GAK: variants seen among roughly 807,000 people sequenced by gnomAD.
GAK encodes cyclin-G-associated kinase.
In GAK, 79 loss-of-function variants were observed where a neutral mutation model predicts 143.9. The observed-to-expected ratio is 0.55, with a 90% CI of 0.46 to 0.66. The LOEUF (loss-of-function observed/expected upper bound fraction) is 0.66, where lower values mean the gene tolerates loss of function less well. GAK is among the 30% of genes least tolerant of loss of function. The probability of loss-of-function intolerance (pLI) is 0.00; values close to 1 mark genes in which losing one functional copy is unlikely to be tolerated. For missense variants in GAK, 1,693 were observed against 1,779.7 expected, an observed-to-expected ratio of 0.95 and a Z score of 0.88; for synonymous variants, 881 against 765.5, an observed-to-expected ratio of 1.15 and a Z score of -2.49.
chr4:907,278 C>T lies in GAK; in HGVS notation c.383-2499G>A, dbSNP rs530860279. Among the ~76,000 whole-genome samples the T allele has an allele frequency of 3.5e-3, 526 of 152,350 alleles. 7 individuals are homozygous for T. The highest frequency in any genetic ancestry group is 0.012 in the African/African-American group (488 of 41,582). On this transcript the variant is annotated intron_variant, in intron 4 of 27. Transcript: ENST00000314167. ...GGCCCTCCCACTCCCCCAGCTCTGC[C>T]GGCCCTGGCCCTCAACCCCAGGTGA...
intron 27 of GAK, 59 bp from the exon 28 acceptor site, chr4:849,833 G>GGGGGGGGGGGGCCCCCCCCCC: frequency 8.4e-7 from 1 of 1,190,152 alleles, no homozygotes; most frequent in Non-Finnish European, 1.2e-6. Flanking sequence ...GGCGGGGCAG[G>GGGGGGGGGGGGCCCCCCCCCC]ACCCCCCCCC....
In GAK at chr4:866,422, G is replaced by C; in HGVS notation, c.2985C>G (p.Ser995=). The C allele has an allele frequency of 6.2e-7, 1 of 1,614,128 alleles. No homozygotes were observed. The highest frequency in any genetic ancestry group is 8.5e-7 in the Non-Finnish European group (1 of 1,179,986). Reference sequence around the variant, plus strand: ...GCGGAGCACTGTGGGCAGACGGGAAGGATGGTGGGACGGTCACAGAGTCCG... The same window carrying C: ...GCGGAGCACTGTGGGCAGACGGGAACGATGGTGGGACGGTCACAGAGTCCG... ...LNSDSVTVPP[S]FPSAHSAPPP... is the part of the protein sequence containing the mutation. Residue 995 remains serine (S), a synonymous_variant, in exon 22 of 28, where the codon TCC becomes TCG. Coordinates refer to ENST00000314167, the MANE Select transcript of GAK (RefSeq NM_005255.4).
chr4:887,239 CGTGTACACA>C, intron 11 of GAK: 1 of 98,176 alleles, frequency 1.0e-5, no homozygotes, highest in African/African-American at 4.2e-5. Flanking sequence ...CGCGCACTCA[CGTGTACACA>C]TGCACGCGGC....
At chr4:912,604 C>A in intron 3 of GAK, 131 bp downstream of exon 3, 1 of 679,718 alleles carries the variant, frequency 1.5e-6, no homozygotes, top group South Asian at 2.1e-5. Flanking sequence ...TTGGTAAAAG[C>A]AAAAAGCCGA....
chr4:851,676 A>G, intron 25 of GAK, 74 bp downstream of exon 25: 21 of 1,474,242 alleles, frequency 1.4e-5, no homozygotes, highest in Non-Finnish European at 2.0e-5. Flanking sequence ...TGAAGAAAAC[A>G]ACATAGGTTC....
At chr4:852,180 G>C in intron 24 of GAK, 1 of 616,710 alleles carries the variant, frequency 1.6e-6, no homozygotes, top group Non-Finnish European at 2.9e-6. Context: ...CTGGGGCGAC[G>C]GGAACACTCT....
chr4:877,826 C>T lies in GAK; in HGVS notation c.1662-17G>A, dbSNP rs375363360. 40 of 1,557,332 alleles carry T rather than the reference C, an allele frequency of 2.6e-5. 1 individual carries two copies. The highest frequency in any genetic ancestry group is 2.3e-4 in the Admixed American group (12 of 52,130). On this transcript the variant is annotated splice_polypyrimidine_tract_variant and intron_variant, in intron 15 of 27. Coordinates refer to ENST00000314167, the MANE Select transcript of GAK (RefSeq NM_005255.4). The stretch of plus-strand genomic sequence containing the variant: ...TCGATGTACCTGGGGGCAGACGTGC[C>T]GCGTCACCACGTGACGTGCCCTGAG...
At chr4:849,833 G>GGGGGGGGCCCCCCCCCCCCCC in intron 27 of GAK, 59 bp from the exon 28 acceptor site, 1 of 1,190,154 alleles carries the variant, frequency 8.4e-7, no homozygotes, top group Non-Finnish European at 1.2e-6. Context: ...GGCGGGGCAG[G>GGGGGGGGCCCCCCCCCCCCCC]ACCCCCCCCC....
intron 22 of GAK, among the ~76,000 whole-genome samples, chr4:865,839 G>A (rs928244182): frequency 6.6e-6 from 1 of 152,246 alleles, no homozygotes; most frequent in Non-Finnish European, 1.5e-5. Flanking sequence ...CCACACTGGA[G>A]GGGCGCGCAG....
intron 16 of GAK, 46 bp downstream of exon 16, chr4:877,569 G>C (rs987537231): frequency 2.6e-6 from 4 of 1,514,768 alleles, no homozygotes; most frequent in Non-Finnish European, 3.5e-6. Flanking sequence ...GTTTTCCGGA[G>C]GGGTGAGGAG....
intron 15 of GAK, among the ~76,000 whole-genome samples, chr4:878,841 G>A (rs938757335): frequency 6.6e-6 from 1 of 152,170 alleles, no homozygotes; most frequent in Non-Finnish European, 1.5e-5. Context: ...TGCCCTGCAG[G>A]AGGCCCTCTC....
rs34176109 is a variant in GAK, at chr4:920,539, A to ATTTTTTT, written c.146-6878_146-6872dup. Among the ~76,000 whole-genome samples the ATTTTTTT allele has an allele frequency of 4.3e-3, 561 of 129,388 alleles. 15 individuals carry two copies. Among genetic ancestry groups the ATTTTTTT allele is most frequent in the South Asian group, 0.026 (102 of 3,976 alleles). 84.9% of individuals were successfully genotyped at this position (129,388 alleles called of 152,430 possible). A position where few individuals can be genotyped will look rare whatever the true frequency, so the allele number is the denominator to read the frequency against. On this transcript the variant is annotated intron_variant, in intron 1 of 27. Transcript: ENST00000314167. Reference sequence around the variant, plus strand: ...AAAATTGTGAAAAAGGTTTAGAGCCATTTTTTTTTTTTTTTTTTTTTTGAG... The same window carrying ATTTTTTT: ...AAAATTGTGAAAAAGGTTTAGAGCCATTTTTTTTTTTTTTTTTTTTTTTTTTTTTGAG...
chr4:913,527 C>T, intron 2 of GAK, 80 bp downstream of exon 2: 4 of 1,049,894 alleles, frequency 3.8e-6, no homozygotes, highest in East Asian at 4.7e-5. Context: ...GTAACAGGGA[C>T]GCATCCCTGA....
At chr4:855,862 G>A (rs542473757) in intron 24 of GAK, among the ~76,000 whole-genome samples, 6 of 152,318 alleles carry the variant, frequency 3.9e-5, no homozygotes, top group African/African-American at 1.2e-4. Context: ...GGCTGAGGCG[G>A]GAGAATTGCT....
chr4:878,352 C>A (rs1409173892), intron 15 of GAK, among the ~76,000 whole-genome samples: 1 of 151,430 alleles, frequency 6.6e-6, no homozygotes, highest in Non-Finnish European at 1.5e-5. Flanking sequence ...AGATATTCTT[C>A]TGGTATTGAT....
rs747272315 is a variant in GAK at position 883,470 on chromosome 4, C to T, written c.1256-7G>A. 6.2e-7 allele frequency: 1 copy of T among 1,613,110 alleles called. No individual in the cohort carries two copies. The highest frequency in any genetic ancestry group is 8.5e-7 in the Non-Finnish European group (1 of 1,179,928). ...TCTGCTGGGAATGACATCACTGAAA[C>T]AAGCAGACCTGCGTCAGCACCTGGG... On this transcript the variant is annotated splice_region_variant and splice_polypyrimidine_tract_variant and intron_variant, in intron 12 of 27. Coordinates refer to ENST00000314167, the MANE Select transcript of GAK (RefSeq NM_005255.4).
intron 11 of GAK, chr4:887,507 T>C (rs910219297): frequency 1.4e-5 from 2 of 145,114 alleles, no homozygotes; most frequent in Non-Finnish European, 3.0e-5. Context: ...TACACATGCA[T>C]GTGGCTCACA....
chr4:911,676 T>G lies in GAK; in HGVS notation c.379A>C (p.Lys127Gln). The change falls in exon 4 of 28, where the codon AAA becomes CAA. Residue 127 changes from lysine to glutamine, a missense_variant. By Grantham distance (53) the Lys-to-Gln change is moderately conservative. Coordinates refer to ENST00000314167, the MANE Select transcript of GAK (RefSeq NM_005255.4). ...GCCGGCCTTCACAGGACGTTACCTT[T>G]ACAGAGCTCTGTGAGCAAGAGGAAC... The part of the protein sequence containing the change: ...AEFLLLTELC[K>Q]GQLVEFLKKM... 6.2e-7 allele frequency: 1 copy of G among 1,612,184 alleles called. No homozygotes were observed. The highest frequency in any genetic ancestry group is 8.5e-7 in the Non-Finnish European group (1 of 1,178,364).
rs753776723 is a variant in GAK at position 877,615 on chromosome 4, C to G, written c.1856G>C (p.Arg619Pro). 6.3e-7 allele frequency: 1 copy of G among 1,577,746 alleles called. No homozygotes were observed. The change falls in exon 16 of 28, where the codon CGG (arginine) becomes CCG (proline). Residue 619 changes from arginine to proline, a missense_variant and splice_region_variant. By Grantham distance (103) the Arg-to-Pro change is moderately radical. Coordinates refer to ENST00000314167, the MANE Select transcript of GAK (RefSeq NM_005255.4). The part of the protein sequence containing the change: ...ASTSQEYDKM[R>P]DFKIEDGKAV... ...AGCGTGGGGCTGCAGCTGCACTCAC[C>G]GCATCTTGTCGTACTCCTGGGAGGT...
Sources: allele counts gnomAD v4.1 joint callset (sites outside exome capture counted in the v4.1 genomes callset), GRCh38; gene constraint gnomAD v4.1.1; transcripts MANE v1.5; gene names NCBI Gene and HGNC (gene_info 2026-07-23, HGNC 2026-07-21).